RAB44: variants seen among roughly 807,000 people sequenced by gnomAD.
RAB44 encodes RAB44, member RAS oncogene family, also known as ras-related protein Rab-44.
Under a neutral mutation model 93.3 loss-of-function variants are expected in RAB44, and 67 were observed. That is an observed-to-expected ratio of 0.72 (90% CI 0.59 to 0.88). RAB44 has a LOEUF of 0.88. Among genes scored for constraint, RAB44 ranks in the 40% least tolerant of loss-of-function variants. RAB44 has a pLI of 0.00. For synonymous variants in RAB44, 427 were observed against 520.3 expected (o/e 0.82, Z 2.44); for missense variants, 1,064 against 1,261.7 (o/e 0.84, Z 2.37).
In RAB44 at chr6:36,705,901, A is replaced by ATT. The variant is rs202201461; in HGVS notation, c.207+1472_207+1473dup. On this transcript the variant is annotated intron_variant, in intron 2 of 13. Coordinates refer to ENST00000612677, the MANE Select transcript of RAB44 (RefSeq NM_001257357.2). ...TGTATGAAATTTGGATTTATGTTGGATTTTTTTTTTTTTTAAGAGATAGGA... is the reference window on the plus strand; with the variant it reads ...TGTATGAAATTTGGATTTATGTTGGATTTTTTTTTTTTTTTTAAGAGATAGGA... 1.8e-3 allele frequency among the ~76,000 whole-genome samples: 260 copies of ATT among 143,968 alleles called. 1 individual carries two copies. The highest frequency in any genetic ancestry group is 6.3e-3 in the African/African-American group (249 of 39,342). The allele number at this position is 143,968 out of a possible 152,430, so 94.4% of individuals were successfully genotyped here.
At chr6:36,724,648 CCAAT>C (rs1763187552) in intron 9 of RAB44, among the ~76,000 whole-genome samples, 3 of 141,764 alleles carry the variant, frequency 2.1e-5, no homozygotes, top group South Asian at 2.4e-4. Flanking sequence ...AACCAACCAA[CCAAT>C]CAACCAACCA....
intron 11 of RAB44, 69 bp downstream of exon 11, chr6:36,727,760 C>A: frequency 1.0e-6 from 1 of 952,592 alleles, no homozygotes; most frequent in Non-Finnish European, 1.7e-6. Context: ...CCTGCCCACT[C>A]CCTCTTTTCT....
chr6:36,722,328 G>A lies in RAB44; in HGVS notation c.2194G>A (p.Glu732Lys), dbSNP rs1319076931. 7.5e-7 allele frequency: 1 copy of A among 1,339,030 alleles called. No homozygotes were observed. The highest frequency in any genetic ancestry group is 9.6e-7 in the Non-Finnish European group (1 of 1,046,766). 82.9% of individuals were successfully genotyped at this position (1,339,030 alleles called of 1,614,324 possible). The change falls in exon 9 of 14, where the codon GAA becomes AAA. Residue 732 changes from glutamate to lysine, a missense_variant. Transcript: ENST00000612677. ...CACACCACAGGCTCAGGTGGAAGCA[G>A]AAGGCCCCACTCCTGGAAAATCGGC... ...SATPQAQVEAEGPTPGKSAPP... is the reference protein window; with the variant it reads ...SATPQAQVEAKGPTPGKSAPP...
chr6:36,730,978 C>T lies in RAB44; in HGVS notation c.2975+229C>T, dbSNP rs570552388. ...TGCCCTTCCCGTTCGCTGAATCACTCCCCACAGGCACTTAGGCTCTCTGAG... is the reference window on the plus strand; with the variant it reads ...TGCCCTTCCCGTTCGCTGAATCACTTCCCACAGGCACTTAGGCTCTCTGAG... On this transcript the variant is annotated intron_variant, in intron 13 of 13. Coordinates refer to ENST00000612677, the MANE Select transcript of RAB44 (RefSeq NM_001257357.2). Among the ~76,000 whole-genome samples, 241 of 152,200 alleles carry T rather than the reference C, an allele frequency of 1.6e-3. 1 individual carries two copies. The highest frequency in any genetic ancestry group is 1.7e-3 in the Non-Finnish European group (114 of 68,014).
At chr6:36,730,516 C>T (rs374600244) in intron 12 of RAB44, among the ~76,000 whole-genome samples, 157 bp from the exon 13 acceptor site, 4 of 152,226 alleles carry the variant, frequency 2.6e-5, no homozygotes, top group East Asian at 1.9e-4. Flanking sequence ...AGGCAGGGAC[C>T]GTGGCCCACG....
At chr6:36,714,037 C>G in intron 3 of RAB44, 98 bp downstream of exon 3, 1 of 763,982 alleles carries the variant, frequency 1.3e-6, no homozygotes, top group Admixed American at 2.2e-5. Flanking sequence ...AACCCTTTTC[C>G]CAGGGACTTT....
chr6:36,722,385 C>G lies in RAB44; in HGVS notation c.2251C>G (p.Gln751Glu). ...AAGGGGCTCTCCTCCCAGGGGGGCTCAGCCTGGGGCTGGAGCAGGACCCCA... is the reference window on the plus strand; with the variant it reads ...AAGGGGCTCTCCTCCCAGGGGGGCTGAGCCTGGGGCTGGAGCAGGACCCCA... ...PPRGSPPRGA[Q>E]PGAGAGPQEP... Residue 751 changes from glutamine (Q) to glutamate (E), a missense_variant, in exon 9 of 14, where the codon CAG (glutamine) becomes GAG (glutamate). By Grantham distance (29) the Gln-to-Glu change is conservative (BLOSUM62 2). Coordinates refer to ENST00000612677, the MANE Select transcript of RAB44 (RefSeq NM_001257357.2). 2.2e-6 allele frequency: 3 copies of G among 1,369,840 alleles called. No homozygotes were observed. Among genetic ancestry groups the G allele is most frequent in the Non-Finnish European group, 1.9e-6 (2 of 1,063,326 alleles). 84.9% of individuals were successfully genotyped at this position (1,369,840 alleles called of 1,614,324 possible).
intron 2 of RAB44, among the ~76,000 whole-genome samples, chr6:36,707,681 C>T (rs536248820): frequency 6.6e-6 from 1 of 152,276 alleles, no homozygotes; most frequent in African/African-American, 2.4e-5. Flanking sequence ...AATAGTTCAT[C>T]GAACCTGGTA....
intron 1 of RAB44, among the ~76,000 whole-genome samples, chr6:36,701,965 C>T (rs1163819081): frequency 6.6e-6 from 1 of 152,082 alleles, no homozygotes; most frequent in African/African-American, 2.4e-5. Context: ...TGCAGCGGGC[C>T]TGCTTAGCAC....
intron 3 of RAB44, among the ~76,000 whole-genome samples, chr6:36,714,612 C>T (rs780143370): frequency 6.6e-6 from 1 of 152,238 alleles, no homozygotes; most frequent in Non-Finnish European, 1.5e-5. Context: ...GAGGCTGCTC[C>T]AGTTCTGGCA....
rs747107356 is a variant in RAB44, at chr6:36,715,667, G to C, written c.494+14G>C. ...CTTACTTCCCAAGTAAGGCCAGGGC[G>C]GCATGTGCATGGGGAGAGGCTCTGC... On this transcript the variant is annotated intron_variant, in intron 4 of 13. Transcript: ENST00000612677. The C allele has an allele frequency of 6.5e-7, 1 of 1,535,070 alleles. No homozygotes were observed. The highest frequency in any genetic ancestry group is 1.2e-5 in the South Asian group (1 of 84,022).
chr6:36,707,088 G>A (rs1013658750), intron 2 of RAB44, among the ~76,000 whole-genome samples: 3 of 152,124 alleles, frequency 2.0e-5, no homozygotes, highest in Non-Finnish European at 4.4e-5. Flanking sequence ...GGGAGGCTGA[G>A]GTGGGCAGAT....
In RAB44 at chr6:36,715,527, A is replaced by T; in HGVS notation, c.368A>T (p.Lys123Met). The T allele has an allele frequency of 6.5e-7, 1 of 1,536,150 alleles. No individual in the cohort carries two copies. Among genetic ancestry groups the T allele is most frequent in the Non-Finnish European group, 8.7e-7 (1 of 1,146,908 alleles). Residue 123 changes from lysine (K) to methionine (M), a missense_variant, in exon 4 of 14, where the codon AAG becomes ATG. Transcript: ENST00000612677. ...AGCCCCCACAGGCTCCGCAGAAGGA[A>T]GCCACTGCCCTCTAAGCGGGTATCT... The part of the protein sequence containing the change: ...SQSPHRLRRR[K>M]PLPSKRVSAT...
intron 8 of RAB44, 69 bp from the exon 9 acceptor site, chr6:36,721,082 G>A (rs1386136980): frequency 2.2e-5 from 27 of 1,220,912 alleles, no homozygotes; most frequent in Non-Finnish European, 2.8e-5. Flanking sequence ...GGTGAGGGCT[G>A]CAGGTGGGAT....
At position 36,720,460 on chromosome 6, in the gene RAB44, T is replaced by C; in HGVS notation, c.926T>C (p.Leu309Pro). 1 of 1,232,928 alleles carries C rather than the reference T, an allele frequency of 8.1e-7. No individual in the cohort carries two copies. Among genetic ancestry groups the C allele is most frequent in the East Asian group, 3.2e-5 (1 of 31,710 alleles). 76.4% of individuals were successfully genotyped at this position (1,232,928 alleles called of 1,614,324 possible). ...QEAKRDLAGRLEEVRGQLQVT... is the reference protein window; with the variant it reads ...QEAKRDLAGRPEEVRGQLQVT... ...GCCAAGCGTGACCTGGCTGGGCGGCTGGAGGAGGTGCGGGGGCAGCTGCAG... is the reference window on the plus strand; with the variant it reads ...GCCAAGCGTGACCTGGCTGGGCGGCCGGAGGAGGTGCGGGGGCAGCTGCAG... The change falls in exon 8 of 14, where the codon CTG (leucine) becomes CCG (proline). Residue 309 changes from leucine (L) to proline (P), a missense_variant. Coordinates refer to ENST00000612677, the MANE Select transcript of RAB44 (RefSeq NM_001257357.2).
intron 10 of RAB44, among the ~76,000 whole-genome samples, chr6:36,726,226 A>G (rs1763235127): frequency 6.6e-6 from 1 of 152,098 alleles, no homozygotes; most frequent in Non-Finnish European, 1.5e-5. Flanking sequence ...TCTACTTTCA[A>G]CCTAGGCAGT....
intron 7 of RAB44, 108 bp downstream of exon 7, chr6:36,718,696 T>C: frequency 2.0e-6 from 1 of 492,730 alleles, no homozygotes; most frequent in Non-Finnish European, 3.2e-6. Context: ...CCTTAGAAGG[T>C]ACTGTGATGA....
At chr6:36,727,555 C>G in intron 10 of RAB44, 22 bp from the exon 11 acceptor site, 1 of 1,529,656 alleles carries the variant, frequency 6.5e-7, no homozygotes, top group Non-Finnish European at 8.9e-7. Context: ...CTGGTGTGGC[C>G]TCATGCAGAC....
intron 1 of RAB44, among the ~76,000 whole-genome samples, chr6:36,703,267 A>C (rs1036358892): frequency 1.3e-5 from 2 of 152,168 alleles, no homozygotes; most frequent in African/African-American, 4.8e-5. Context: ...TGACCCAAAC[A>C]ATTCCCATCA....
Sources: gnomAD v4.1 joint callset for allele counts (sites outside exome capture counted in the v4.1 genomes callset) on GRCh38, gnomAD v4.1.1 for gene constraint, MANE v1.5 for transcripts, NCBI Gene and HGNC (gene_info 2026-07-23, HGNC 2026-07-21) for gene names.